The following GSTA4 variants were observed in gnomAD, a reference collection of about 807,000 sequenced individuals.
GSTA4 encodes glutathione S-transferase alpha 4, also known as glutathione S-transferase A4.
A neutral mutation model predicts 24.4 loss-of-function variants in GSTA4; 15 were observed. The observed-to-expected ratio is 0.61, with a 90% CI of 0.41 to 0.95. The LOEUF (loss-of-function observed/expected upper bound fraction) is 0.95, where lower values mean the gene tolerates loss of function less well. Among genes scored for constraint, GSTA4 ranks in the 40% least tolerant of loss-of-function variants. The pLI is 0.00. For missense variants in GSTA4, 244 were observed against 262.1 expected, an observed-to-expected ratio of 0.93 and a Z score of 0.48; for synonymous variants, 92 against 94.2, an observed-to-expected ratio of 0.98 and a Z score of 0.13.
intron 2 of GSTA4, among the ~76,000 whole-genome samples, chr6:52,989,066 C>T (rs1249575750): frequency 2.0e-5 from 3 of 152,126 alleles, no homozygotes; most frequent in African/African-American, 7.2e-5. Context: ...CCAGCTAAAT[C>T]CCACCAAAAC....
chr6:52,994,138 G>T lies in GSTA4; in HGVS notation c.87+19C>A. ...AAAAGCTGTATGACAAATCCGTGAA[G>T]AAACAGCATATAAGGTACCTCGACT... On this transcript the variant is annotated intron_variant, in intron 2 of 6. Transcript: ENST00000370963. 2.6e-6 allele frequency: 4 copies of T among 1,511,610 alleles called. No homozygotes were observed. The highest frequency in any genetic ancestry group is 3.7e-6 in the Non-Finnish European group (4 of 1,086,174). 93.6% of individuals were successfully genotyped at this position (1,511,610 alleles called of 1,614,324 possible).
intron 2 of GSTA4, among the ~76,000 whole-genome samples, chr6:52,988,317 C>CT (rs1561985884): frequency 6.6e-6 from 1 of 150,924 alleles, no homozygotes; most frequent in Non-Finnish European, 1.5e-5. Flanking sequence ...AGGAAAAGCT[C>CT]TTTTTTACAG....
At chr6:52,994,937 A>G in intron 1 of GSTA4, 1 of 152,430 alleles carries the variant, frequency 6.6e-6, no homozygotes, top group East Asian at 1.9e-4. Flanking sequence ...GCAGGGGCGT[A>G]GCGGCAGCCC....
chr6:52,980,339 C>A (rs571286395), intron 6 of GSTA4, among the ~76,000 whole-genome samples: 1 of 148,676 alleles, frequency 6.7e-6, no homozygotes, highest in South Asian at 2.1e-4. Context: ...CAGTTTTGCT[C>A]TGTCACCCAG....
At chr6:52,981,309 C>T (rs947413219) in intron 6 of GSTA4, among the ~76,000 whole-genome samples, 1 of 152,086 alleles carries the variant, frequency 6.6e-6, no homozygotes, top group African/African-American at 2.4e-5. Context: ...TAGTGTATCT[C>T]TCTTGGCTTT....
At chr6:52,982,853 C>T in intron 5 of GSTA4, 148 bp from the exon 6 acceptor site, 2 of 638,976 alleles carry the variant, frequency 3.1e-6, no homozygotes, top group Non-Finnish European at 5.4e-6. Context: ...AGAACGCACC[C>T]TATATCTGAC....
rs187391555 is a variant in GSTA4 at position 52,993,188 on chromosome 6, G to A, written c.87+969C>T. Among the ~76,000 whole-genome samples the A allele has an allele frequency of 7.2e-5, 11 of 152,300 alleles. No individual in the cohort carries two copies. In the East Asian group the frequency reaches 2.1e-3, roughly 29 times the overall value. ...TTAGTCATGCACCAATGTTAATTTCGTAATATGACATGGTGATGTAAGATG... is the reference window on the plus strand; with the variant it reads ...TTAGTCATGCACCAATGTTAATTTCATAATATGACATGGTGATGTAAGATG... On this transcript the variant is annotated intron_variant, in intron 2 of 6. Coordinates refer to ENST00000370963, the MANE Select transcript of GSTA4 (RefSeq NM_001512.4).
chr6:52,992,909 T>C (rs1009486714), intron 2 of GSTA4, among the ~76,000 whole-genome samples: 1 of 152,178 alleles, frequency 6.6e-6, no homozygotes, highest in Non-Finnish European at 1.5e-5. Context: ...AAGATCAGCC[T>C]GGCCAACATG....
At chr6:52,989,644 A>G (rs530703783) in intron 2 of GSTA4, among the ~76,000 whole-genome samples, 1 of 152,328 alleles carries the variant, frequency 6.6e-6, no homozygotes, top group South Asian at 2.1e-4. Flanking sequence ...CAATGCTCCC[A>G]GAGGATCTCC....
chr6:52,990,170 T>C (rs1023332464), intron 2 of GSTA4, among the ~76,000 whole-genome samples: 4 of 152,154 alleles, frequency 2.6e-5, no homozygotes, highest in Admixed American at 6.5e-5. Context: ...ACAACCAACA[T>C]AGAGCAATGT....
At chr6:52,994,058 G>C (rs1202802613) in intron 2 of GSTA4, 99 bp downstream of exon 2, 1 of 833,884 alleles carries the variant, frequency 1.2e-6, no homozygotes, top group South Asian at 1.4e-5. Context: ...GATTTTGGTG[G>C]ACGAGAACTA....
At chr6:52,989,828 C>T (rs2127387272) in intron 2 of GSTA4, among the ~76,000 whole-genome samples, 1 of 152,280 alleles carries the variant, frequency 6.6e-6, no homozygotes, top group East Asian at 1.9e-4. Context: ...AAAGTCAAAA[C>T]ATCATATTAG....
rs771712633 is a variant in GSTA4 at position 52,985,575 on chromosome 6, G to T, written c.148C>A (p.Leu50Met). 1 of 1,614,082 alleles carries T rather than the reference G, an allele frequency of 6.2e-7. No homozygotes were observed. Among genetic ancestry groups the T allele is most frequent in the Non-Finnish European group, 8.5e-7 (1 of 1,179,928 alleles). ...ACCATGGGCACTTGTTGGAACAGCAGGTGGTTACCTGAGAATGGAAGCCCA... is the reference window on the plus strand; with the variant it reads ...ACCATGGGCACTTGTTGGAACAGCATGTGGTTACCTGAGAATGGAAGCCCA... ...QLYKLQDGNH[L>M]LFQQVPMVEI... Residue 50 changes from leucine (L) to methionine (M), a missense_variant, in exon 4 of 7, where the codon CTG becomes ATG. Transcript: ENST00000370963.
In GSTA4 at chr6:52,981,122, A is replaced by G. The variant is rs149865936; in HGVS notation, c.546+1452T>C. Reference sequence around the variant, plus strand: ...AAGTAAATGAAAAAAAAATTGAAAAAAAAATATAAACTATAACATAAATGA... The same window carrying G: ...AAGTAAATGAAAAAAAAATTGAAAAGAAAATATAAACTATAACATAAATGA... On this transcript the variant is annotated intron_variant, in intron 6 of 6. Transcript: ENST00000370963. 1.4e-3 allele frequency among the ~76,000 whole-genome samples: 215 copies of G among 152,364 alleles called. 1 individual carries two copies. Among genetic ancestry groups the G allele is most frequent in the African/African-American group, 5.0e-3 (206 of 41,584 alleles).
chr6:52,985,388 T>C, intron 4 of GSTA4, 63 bp downstream of exon 4: 1 of 1,485,238 alleles, frequency 6.7e-7, no homozygotes, highest in Non-Finnish European at 9.3e-7. Flanking sequence ...GCTACAGAGG[T>C]TGCTAATCAG....
At chr6:52,983,882 C>T (rs184684298) in intron 5 of GSTA4, among the ~76,000 whole-genome samples, 16 of 152,312 alleles carry the variant, frequency 1.1e-4, no homozygotes, top group Admixed American at 5.9e-4. Context: ...CCAAATAGGT[C>T]TTCCCATATT....
intron 6 of GSTA4, among the ~76,000 whole-genome samples, chr6:52,982,172 C>A (rs1763463447): frequency 6.6e-6 from 1 of 152,158 alleles, no homozygotes; most frequent in Admixed American, 6.5e-5. Flanking sequence ...CTGAGGCAAA[C>A]TCCCTGTGCA....
intron 5 of GSTA4, 30 bp from the exon 6 acceptor site, chr6:52,982,735 A>G: frequency 6.3e-7 from 1 of 1,579,772 alleles, no homozygotes; most frequent in South Asian, 1.1e-5. Context: ...ATCAGTTACA[A>G]TATTCCACAT....
intron 6 of GSTA4, among the ~76,000 whole-genome samples, chr6:52,979,034 C>A (rs1581905899): frequency 1.3e-5 from 2 of 152,098 alleles, no homozygotes; most frequent in East Asian, 1.9e-4. Flanking sequence ...AAAAGGTAAG[C>A]ACTCTTTACA....
Sources: gnomAD v4.1 joint callset for allele counts (sites outside exome capture counted in the v4.1 genomes callset) on GRCh38, gnomAD v4.1.1 for gene constraint, MANE v1.5 for transcripts, NCBI Gene and HGNC (gene_info 2026-07-23, HGNC 2026-07-21) for gene names.